The following LIN7A variants were observed in gnomAD, a reference collection of about 807,000 sequenced individuals.
LIN7A encodes protein lin-7 homolog A.
In LIN7A, 25 loss-of-function variants were observed where a neutral mutation model predicts 29.8. The ratio of observed to expected loss-of-function variants is 0.84; its 90% CI spans 0.61 to 1.17. The LOEUF (loss-of-function observed/expected upper bound fraction) is 1.17, where lower values mean the gene tolerates loss of function less well. Ranked by LOEUF, LIN7A falls within the 50% of genes most tolerant of loss-of-function variation. The pLI, the probability that LIN7A is intolerant of heterozygous loss-of-function variation, is 0.00. For synonymous variants in LIN7A, 118 were observed against 107.5 expected, an observed-to-expected ratio of 1.10 and a Z score of -0.60; for missense variants, 239 against 287.0, an observed-to-expected ratio of 0.83 and a Z score of 1.21.
intron 4 of LIN7A, among the ~76,000 whole-genome samples, chr12:80,819,329 C>G (rs1871686831): frequency 6.6e-6 from 1 of 152,088 alleles, no homozygotes; most frequent in African/African-American, 2.4e-5. Context: ...TAAATGTAGT[C>G]TTTTTTGATT....
At chr12:80,814,693 T>C (rs1388366926) in intron 4 of LIN7A, among the ~76,000 whole-genome samples, 1 of 152,106 alleles carries the variant, frequency 6.6e-6, no homozygotes, top group Non-Finnish European at 1.5e-5. Context: ...TGCAAAACCA[T>C]CAAGGTTATC....
chr12:80,807,081 T>TTGTTTGTTTGTTTG (rs1555221380), intron 5 of LIN7A, among the ~76,000 whole-genome samples: 2,095 of 135,628 alleles, frequency 0.015, 101 homozygotes, highest in Non-Finnish European at 0.025. Context: ...TTTTTTTTTT[T>TTGTTTGTTTGTTTG]TTTTTTTTTT....
At chr12:80,828,370 T>C (rs984405662) in intron 4 of LIN7A, among the ~76,000 whole-genome samples, 1 of 152,140 alleles carries the variant, frequency 6.6e-6, no homozygotes, top group Non-Finnish European at 1.5e-5. Context: ...AAATGCACCA[T>C]ATATAGAATA....
chr12:80,917,747 T>C (rs1472975587), intron 1 of LIN7A, among the ~76,000 whole-genome samples: 1 of 152,202 alleles, frequency 6.6e-6, no homozygotes, highest in African/African-American at 2.4e-5. Context: ...CTGACTTTTG[T>C]GTCGAGATCT....
intron 5 of LIN7A, among the ~76,000 whole-genome samples, chr12:80,807,063 G>GTTTTT (rs71094991): frequency 1.9e-5 from 1 of 53,586 alleles, no homozygotes; most frequent in Non-Finnish European, 3.5e-5. Context: ...TGAAGATGGA[G>GTTTTT]TTTTTTTTTT....
At chr12:80,802,914 C>A (rs1234006066) in intron 5 of LIN7A, among the ~76,000 whole-genome samples, 1 of 152,178 alleles carries the variant, frequency 6.6e-6, no homozygotes, top group Non-Finnish European at 1.5e-5. Context: ...TTTCATGCAT[C>A]TGTTAGCTAT....
chr12:80,934,145 A>T (rs2120970946), intron 1 of LIN7A, among the ~76,000 whole-genome samples: 1 of 152,316 alleles, frequency 6.6e-6, no homozygotes, highest in Non-Finnish European at 1.5e-5. Flanking sequence ...TGATAAATGA[A>T]TATTGAATGA....
chr12:80,889,279 T>C lies in LIN7A; in HGVS notation c.173A>G (p.Gln58Arg). The C allele has an allele frequency of 6.2e-7, 1 of 1,611,868 alleles. No homozygotes were observed. Among genetic ancestry groups the C allele is most frequent in the Non-Finnish European group, 8.5e-7 (1 of 1,178,260 alleles). ...HKLQSLKKVL[Q>R]SEFCTAIREV... ...TCGAATAGCTGTACAAAACTCACTC[T>C]GAAGCACTTTTTTGAGGGATTGTAG... Residue 58 changes from glutamine (Q) to arginine (R), a missense_variant, in exon 2 of 6, where the codon CAG becomes CGG. By Grantham distance (43) the Gln-to-Arg change is conservative (BLOSUM62 1). Coordinates refer to ENST00000552864, the MANE Select transcript of LIN7A (RefSeq NM_004664.4).
At chr12:80,927,384 C>T (rs2120926614) in intron 1 of LIN7A, among the ~76,000 whole-genome samples, 1 of 152,076 alleles carries the variant, frequency 6.6e-6, no homozygotes, top group East Asian at 2.0e-4. Context: ...CTCCTGACCT[C>T]GTGATCTGCC....
At chr12:80,875,969 T>C (rs1874669811) in intron 2 of LIN7A, among the ~76,000 whole-genome samples, 1 of 152,102 alleles carries the variant, frequency 6.6e-6, no homozygotes, top group Non-Finnish European at 1.5e-5. Context: ...AAGAACAGAA[T>C]TGGAATCAAC....
intron 4 of LIN7A, chr12:80,832,519 C>T: frequency 2.1e-6 from 1 of 476,882 alleles, no homozygotes; most frequent in Non-Finnish European, 4.4e-6. Context: ...TGGATGAAAT[C>T]TCTTTTCCAG....
At chr12:80,924,572 G>A (rs914976929) in intron 1 of LIN7A, among the ~76,000 whole-genome samples, 1 of 152,196 alleles carries the variant, frequency 6.6e-6, no homozygotes, top group African/African-American at 2.4e-5. Flanking sequence ...GATAGTAGCA[G>A]GTCAAGGTTA....
chr12:80,893,065 C>G (rs1390977365), intron 1 of LIN7A, among the ~76,000 whole-genome samples: 2 of 152,228 alleles, frequency 1.3e-5, no homozygotes, highest in South Asian at 4.1e-4. Context: ...CAAAGTGATT[C>G]TTAGTGATTG....
intron 2 of LIN7A, among the ~76,000 whole-genome samples, chr12:80,850,710 C>T (rs1873288144): frequency 6.6e-6 from 1 of 152,068 alleles, no homozygotes; most frequent in Non-Finnish European, 1.5e-5. Context: ...ATTGAGAAAT[C>T]CTGATCTAAG....
rs1731145591 is a variant in LIN7A, at chr12:80,795,782, T to C, written c.*1945A>G. The C allele has an allele frequency of 1.3e-5, 2 of 152,152 alleles. No homozygotes were observed. Among genetic ancestry groups the C allele is most frequent in the Non-Finnish European group, 2.9e-5 (2 of 67,996 alleles). The allele number at this position is 152,152 out of a possible 1,614,324, so 9.4% of individuals were successfully genotyped here. A position where few individuals can be genotyped will look rare whatever the true frequency, so the allele number is the denominator to read the frequency against. ...TTTTATTAAATTTTTCTTATAAAAA[T>C]GTGAACTATCTCTTTCAAACTGAAT... On this transcript the variant is annotated 3_prime_UTR_variant, in exon 6 of 6. Transcript: ENST00000552864.
At chr12:80,863,066 T>C (rs1873955220) in intron 2 of LIN7A, among the ~76,000 whole-genome samples, 1 of 152,226 alleles carries the variant, frequency 6.6e-6, no homozygotes, top group East Asian at 1.9e-4. Flanking sequence ...ACAAGATGGA[T>C]GTCAAGACTA....
At chr12:80,931,674 T>C (rs1592960356) in intron 1 of LIN7A, among the ~76,000 whole-genome samples, 2 of 149,356 alleles carry the variant, frequency 1.3e-5, no homozygotes, top group African/African-American at 4.9e-5. Context: ...ACTCCTGGAG[T>C]GTTTTGTAAC....
At chr12:80,900,886 C>T (rs1410960675) in intron 1 of LIN7A, among the ~76,000 whole-genome samples, 2 of 152,092 alleles carry the variant, frequency 1.3e-5, no homozygotes, top group African/African-American at 4.8e-5. Flanking sequence ...GAACTGGACT[C>T]CATCTTTTTA....
chr12:80,854,450 G>A (rs924170337), intron 2 of LIN7A, among the ~76,000 whole-genome samples: 9 of 119,614 alleles, frequency 7.5e-5, no homozygotes, highest in Non-Finnish European at 1.4e-4. Flanking sequence ...CATATATACA[G>A]CAGTGTAGAT....
Sources: gnomAD v4.1 joint callset for allele counts (sites outside exome capture counted in the v4.1 genomes callset) on GRCh38, gnomAD v4.1.1 for gene constraint, MANE v1.5 for transcripts, NCBI Gene and HGNC (gene_info 2026-07-23, HGNC 2026-07-21) for gene names.